Variants in ZNF26 observed in about 807,000 individuals in gnomAD.
ZNF26 encodes the protein zinc finger protein 26.
Under a neutral mutation model 54.9 loss-of-function variants are expected in ZNF26, and 32 were observed. The ratio of observed to expected loss-of-function variants is 0.58; its 90% CI spans 0.44 to 0.78. The LOEUF is 0.78. Among genes scored for constraint, ZNF26 ranks in the 30% least tolerant of loss-of-function variants. ZNF26 has a pLI of 0.00. For missense variants in ZNF26, 524 were observed against 634.0 expected (o/e 0.83, Z 1.86); for synonymous variants, 221 against 209.2 (o/e 1.06, Z -0.49).
chr12:132,993,973 C>T (rs1292037264), intron 1 of ZNF26, among the ~76,000 whole-genome samples: 3 of 152,092 alleles, frequency 2.0e-5, no homozygotes, highest in African/African-American at 7.2e-5. Flanking sequence ...CCCAGGCCAC[C>T]CCCACCCCAT....
At position 133,001,630 on chromosome 12, in the gene ZNF26, CAGGT is replaced by C; in HGVS notation, c.34-5409_34-5406del. 5 of 1,287,670 alleles carry C rather than the reference CAGGT, an allele frequency of 3.9e-6. No individual in the cohort carries two copies. The highest frequency in any genetic ancestry group is 5.1e-6 in the Non-Finnish European group (5 of 987,354). 79.8% of individuals were successfully genotyped at this position (1,287,670 alleles called of 1,614,324 possible). On this transcript the variant is annotated intron_variant, in intron 1 of 3. Transcript: ENST00000328654. This position sits in a 1 kb window ranked among gnomAD's most constrained non-coding sequence, Gnocchi z 4.7. ...TCTTCCCCTGGGGTCTCCCTCCCTG[CAGGT>C]AGTGCTGCTGAGGAGGAGCCTGCTA...
chr12:133,010,900 C>G lies in ZNF26; in HGVS notation c.1021C>G (p.Pro341Ala), dbSNP rs1953456444. 1 of 1,613,936 alleles carries G rather than the reference C, an allele frequency of 6.2e-7. No individual in the cohort carries two copies. Among genetic ancestry groups the G allele is most frequent in the East Asian group, 2.2e-5 (1 of 44,880 alleles). The change falls in exon 4 of 4, where the codon CCC (proline) becomes GCC (alanine). Residue 341 changes from proline (P) to alanine (A), a missense_variant. By Grantham distance (27) the Pro-to-Ala change is conservative. Coordinates refer to ENST00000328654, the MANE Select transcript of ZNF26 (RefSeq NM_019591.4). ...CATCCGAATGCATACAGGAGAAAAA[C>G]CCTATCAATGCAGTGATTGTGGGAA... ...VHIRMHTGEK[P>A]YQCSDCGKAF...
At chr12:132,991,404 A>G (rs1952951906) in intron 1 of ZNF26, among the ~76,000 whole-genome samples, 1 of 151,628 alleles carries the variant, frequency 6.6e-6, no homozygotes, top group Non-Finnish European at 1.5e-5. Flanking sequence ...AGGCTGAGGC[A>G]GGAGAATCGC....
chr12:133,010,206 T>C lies in ZNF26; in HGVS notation c.327T>C (p.Ser109=). The C allele has an allele frequency of 1.2e-6, 2 of 1,613,836 alleles. No individual in the cohort carries two copies. The highest frequency in any genetic ancestry group is 1.7e-6 in the Non-Finnish European group (2 of 1,179,938). ...LESIERSYAC[S]VLGRLNLSKT... ...GTATTGAAAGAAGCTATGCTTGTAGTGTGTTGGGAAGACTTAATCTGAGCA... is the reference window on the plus strand; with the variant it reads ...GTATTGAAAGAAGCTATGCTTGTAGCGTGTTGGGAAGACTTAATCTGAGCA... Residue 109 remains serine (S), a synonymous_variant, in exon 4 of 4, where the codon AGT becomes AGC. Coordinates refer to ENST00000328654, the MANE Select transcript of ZNF26 (RefSeq NM_019591.4).
In ZNF26 at chr12:133,001,698, T is replaced by C. The variant is rs1171978705; in HGVS notation, c.34-5344T>C. On this transcript the variant is annotated intron_variant, in intron 1 of 3. Transcript: ENST00000328654. This position sits in a 1 kb window ranked among gnomAD's most constrained non-coding sequence, Gnocchi z 4.7. ...TCAAGTTCGGGAATCTTCTGGGTGT[T>C]CCTTGGGCCCAGGGAAACAGTGCCC... 1 of 1,289,008 alleles carries C rather than the reference T, an allele frequency of 7.8e-7. No individual in the cohort carries two copies. Among genetic ancestry groups the C allele is most frequent in the Non-Finnish European group, 1.0e-6 (1 of 988,682 alleles). The allele number at this position is 1,289,008 out of a possible 1,614,324, so 79.8% of individuals were successfully genotyped here.
At chr12:133,007,912 C>T (rs1163283521) in intron 3 of ZNF26, among the ~76,000 whole-genome samples, 2 of 152,088 alleles carry the variant, frequency 1.3e-5, no homozygotes. Flanking sequence ...TTATTTCCTC[C>T]TTTGCCTTCC....
In ZNF26 at chr12:133,010,838, G is replaced by C; in HGVS notation, c.959G>C (p.Gly320Ala). 1.7e-5 allele frequency: 28 copies of C among 1,614,072 alleles called. No individual in the cohort carries two copies. Among genetic ancestry groups the C allele is most frequent in the Non-Finnish European group, 2.3e-5 (27 of 1,180,032 alleles). The part of the protein sequence containing the change: ...GVKPHKCSEC[G>A]KAFRSKSYLL... ...AAACCCCATAAATGCAGTGAATGTG[G>C]GAAAGCCTTTAGGAGTAAGTCCTAT... The change falls in exon 4 of 4, where the codon GGG (glycine) becomes GCG (alanine). Residue 320 changes from glycine to alanine, a missense_variant. Coordinates refer to ENST00000328654, the MANE Select transcript of ZNF26 (RefSeq NM_019591.4).
chr12:133,001,652 G>C lies in ZNF26; in HGVS notation c.34-5390G>C. 1 of 1,289,156 alleles carries C rather than the reference G, an allele frequency of 7.8e-7. No individual in the cohort carries two copies. Among genetic ancestry groups the C allele is most frequent in the Non-Finnish European group, 1.0e-6 (1 of 988,692 alleles). 79.9% of individuals were successfully genotyped at this position (1,289,156 alleles called of 1,614,324 possible). A position where few individuals can be genotyped will look rare whatever the true frequency, so the allele number is the denominator to read the frequency against. On this transcript the variant is annotated intron_variant, in intron 1 of 3. Transcript: ENST00000328654. This position sits in a 1 kb window ranked among gnomAD's most constrained non-coding sequence, Gnocchi z 4.7. ...CTGCAGGTAGTGCTGCTGAGGAGGA[G>C]CCTGCTAATGAGCTCAAGTGTCAAG...
chr12:132,986,856 C>T lies in ZNF26; in HGVS notation c.16C>T (p.Arg6Trp), dbSNP rs1409678043. MATSFRTASCWGLLSF... is the reference protein window; with the variant it reads MATSFWTASCWGLLSF... The stretch of plus-strand genomic sequence containing the variant: ...GGGCGTGGGGATGGCCACCAGTTTC[C>T]GGACAGCTTCGTGCTGGGTAAGTAG... Residue 6 changes from arginine (R) to tryptophan (W), a missense_variant, in exon 1 of 4, where the codon CGG becomes TGG. Arg to Trp is a moderately radical substitution (Grantham distance 101). Transcript: ENST00000328654. 41 of 1,607,472 alleles carry T rather than the reference C, an allele frequency of 2.6e-5. No homozygotes were observed. In the Admixed American group the frequency reaches 6.8e-4, roughly 27 times the overall value.
At chr12:132,987,823 G>T (rs1952856734) in intron 1 of ZNF26, 1 of 758,312 alleles carries the variant, frequency 1.3e-6, no homozygotes, top group Middle Eastern at 6.8e-4. Flanking sequence ...AGGCTGTTGT[G>T]CTAAAGAAAC....
At position 133,010,136 on chromosome 12, in the gene ZNF26, A is replaced by G. The variant is rs894448643; in HGVS notation, c.257A>G (p.Asp86Gly). Reference sequence around the variant, plus strand: ...TTATATTTTGTTTGTTTTTTTGTAGATGGCTGGGAAGAATGGTACCAGAAC... The same window carrying G: ...TTATATTTTGTTTGTTTTTTTGTAGGTGGCTGGGAAGAATGGTACCAGAAC... ...NAKISRQSCP[D>G]GWEEWYQNNQ... Residue 86 changes from aspartate (D) to glycine (G), a missense_variant and splice_region_variant, in exon 4 of 4, where the codon GAT (aspartate) becomes GGT (glycine). Coordinates refer to ENST00000328654, the MANE Select transcript of ZNF26 (RefSeq NM_019591.4). 1 of 1,575,456 alleles carries G rather than the reference A, an allele frequency of 6.3e-7. No individual in the cohort carries two copies. Among genetic ancestry groups the G allele is most frequent in the African/African-American group, 1.4e-5 (1 of 72,402 alleles).
intron 3 of ZNF26, among the ~76,000 whole-genome samples, chr12:133,007,887 C>T (rs1953367370): frequency 2.0e-5 from 3 of 152,142 alleles, no homozygotes; most frequent in Non-Finnish European, 1.5e-5. Flanking sequence ...TCATTGCCCT[C>T]TATTTCCATT....
rs919531394 is a variant in ZNF26 at position 132,987,338 on chromosome 12, G to A, written c.33+465G>A. Among the ~76,000 whole-genome samples the A allele has an allele frequency of 5.2e-3, 789 of 152,298 alleles. 6 individuals are homozygous for A. The highest frequency in any genetic ancestry group is 0.018 in the African/African-American group (747 of 41,558). Reference sequence around the variant, plus strand: ...ATTTTAGAGGAGCTTTGGTTTGGTGGAGAGGGTAGTCTAGTGAACTATGGA... The same window carrying A: ...ATTTTAGAGGAGCTTTGGTTTGGTGAAGAGGGTAGTCTAGTGAACTATGGA... On this transcript the variant is annotated intron_variant, in intron 1 of 3. Transcript: ENST00000328654.
chr12:132,994,812 A>G (rs1953039913), intron 1 of ZNF26, among the ~76,000 whole-genome samples: 1 of 152,156 alleles, frequency 6.6e-6, no homozygotes, highest in African/African-American at 2.4e-5. Context: ...GGATTTTTCA[A>G]CCTCAGCACT....
chr12:132,987,833 C>G lies in ZNF26; in HGVS notation c.33+960C>G, dbSNP rs893026965. The G allele has an allele frequency of 6.0e-6, 4 of 664,366 alleles. No homozygotes were observed. In the South Asian group the frequency reaches 2.0e-4, roughly 34 times the overall value. The allele number at this position is 664,366 out of a possible 1,614,324, so 41.2% of individuals were successfully genotyped here. On this transcript the variant is annotated intron_variant, in intron 1 of 3. Transcript: ENST00000328654. ...GAGAAAGGCTGTTGTGCTAAAGAAA[C>G]GAGAGAAAGTTAGGAGTGGATTTCT... is the stretch of plus-strand genomic sequence containing the variant.
chr12:133,011,491 A>T lies in ZNF26; in HGVS notation c.*10A>T. 6.5e-7 allele frequency: 1 copy of T among 1,526,776 alleles called. No homozygotes were observed. Among genetic ancestry groups the T allele is most frequent in the Non-Finnish European group, 8.8e-7 (1 of 1,140,724 alleles). The allele number at this position is 1,526,776 out of a possible 1,614,324, so 94.6% of individuals were successfully genotyped here. A position where few individuals can be genotyped will look rare whatever the true frequency, so the allele number is the denominator to read the frequency against. On this transcript the variant is annotated 3_prime_UTR_variant, in exon 4 of 4. Transcript: ENST00000328654. ...GAAGACTCATAAATGAGAAATCAGA[A>T]TGATGCAATGTGAGAAACTGATGTT...
At position 133,001,853 on chromosome 12, in the gene ZNF26, T is replaced by C; in HGVS notation, c.34-5189T>C. ...GAATTTTTCAGAGGAAAGCAGTTAT[T>C]CGATCCTTGTTTACTTAAATTCTTA... is the stretch of plus-strand genomic sequence containing the variant. On this transcript the variant is annotated intron_variant, in intron 1 of 3. Coordinates refer to ENST00000328654, the MANE Select transcript of ZNF26 (RefSeq NM_019591.4). This position sits in a 1 kb window ranked among gnomAD's most constrained non-coding sequence, Gnocchi z 4.7. 1 of 428,442 alleles carries C rather than the reference T, an allele frequency of 2.3e-6. No homozygotes were observed. Among genetic ancestry groups the C allele is most frequent in the South Asian group, 1.9e-5 (1 of 53,360 alleles). The allele number at this position is 428,442 out of a possible 1,614,324, so 26.5% of individuals were successfully genotyped here. A position where few individuals can be genotyped will look rare whatever the true frequency, so the allele number is the denominator to read the frequency against.
rs1195911047 is a variant in ZNF26 at position 133,024,441 on chromosome 12, T to C, written c.*12960T>C. 6.6e-6 allele frequency: 1 copy of C among 152,292 alleles called. No homozygotes were observed. Among genetic ancestry groups the C allele is most frequent in the East Asian group, 1.9e-4 (1 of 5,180 alleles). The allele number at this position is 152,292 out of a possible 1,614,324, so 9.4% of individuals were successfully genotyped here. On this transcript the variant is annotated 3_prime_UTR_variant, in exon 4 of 4. Coordinates refer to ENST00000328654, the MANE Select transcript of ZNF26 (RefSeq NM_019591.4). Reference sequence around the variant, plus strand: ...TCATGACCTCAGTGATAGAGCTAAGTGTTTTCTAGACCCAGTGTTCAGGAT... The same window carrying C: ...TCATGACCTCAGTGATAGAGCTAAGCGTTTTCTAGACCCAGTGTTCAGGAT...
rs1205535629 is a variant in ZNF26 at position 133,014,209 on chromosome 12, C to T, written c.*2728C>T. 1 of 152,200 alleles carries T rather than the reference C, an allele frequency of 6.6e-6. No individual in the cohort carries two copies. Among genetic ancestry groups the T allele is most frequent in the African/African-American group, 2.4e-5 (1 of 41,444 alleles). The allele number at this position is 152,200 out of a possible 1,614,324, so 9.4% of individuals were successfully genotyped here. On this transcript the variant is annotated 3_prime_UTR_variant, in exon 4 of 4. Coordinates refer to ENST00000328654, the MANE Select transcript of ZNF26 (RefSeq NM_019591.4). Reference sequence around the variant, plus strand: ...GAATGAGTAATGTATCAAAACTTCTCAGCATGACAACACCCAGGGCAACGT... The same window carrying T: ...GAATGAGTAATGTATCAAAACTTCTTAGCATGACAACACCCAGGGCAACGT...
Sources: allele counts gnomAD v4.1 joint callset (sites outside exome capture counted in the v4.1 genomes callset), GRCh38; gene constraint gnomAD v4.1.1; non-coding constraint Gnocchi (gnomAD v3.1); transcripts MANE v1.5; gene names NCBI Gene and HGNC (gene_info 2026-07-23, HGNC 2026-07-21).